The following SH3BP2 variants were observed in gnomAD, a reference collection of about 807,000 sequenced individuals.
SH3BP2 encodes SH3 domain binding protein 2, also known as SH3 domain-binding protein 2.
Under a neutral mutation model 56.2 loss-of-function variants are expected in SH3BP2, and 38 were observed. The observed-to-expected ratio is 0.68, with a 90% CI of 0.52 to 0.89. The LOEUF (loss-of-function observed/expected upper bound fraction) is 0.89. Among genes scored for constraint, SH3BP2 ranks in the 40% least tolerant of loss-of-function variants. The probability of loss-of-function intolerance (pLI) is 0.00; values close to 1 mark genes in which losing one functional copy is unlikely to be tolerated. For synonymous variants in SH3BP2, 346 were observed against 316.7 expected (o/e 1.09, Z -0.98); for missense variants, 748 against 762.6 (o/e 0.98, Z 0.23).
chr4:2,793,911 C>T (rs1253741455), intron 1 of SH3BP2, among the ~76,000 whole-genome samples: 1 of 152,208 alleles, frequency 6.6e-6, no homozygotes, highest in Non-Finnish European at 1.5e-5. Context: ...TGCTCTGGGC[C>T]TCGGCTCCCT....
rs1263416 is a variant in SH3BP2, at chr4:2,836,036, G to C, written c.*2202G>C. 87,659 of 152,016 alleles carry C rather than the reference G, an allele frequency of 0.58. 25,452 individuals carry two copies. Among genetic ancestry groups the C allele is most frequent in the Middle Eastern group, 0.71 (210 of 294 alleles). The allele number at this position is 152,016 out of a possible 1,614,324, so 9.4% of individuals were successfully genotyped here. On this transcript the variant is annotated 3_prime_UTR_variant, in exon 13 of 13. Coordinates refer to ENST00000503393, the MANE Select transcript of SH3BP2 (RefSeq NM_001122681.2). ...GCAGTCCAGGACACCTTTGCTTTAT[G>C]TCACTTACACGGTCACCTGGAGCCG...
chr4:2,818,608 C>A (rs947162343), intron 1 of SH3BP2: 7 of 643,272 alleles, frequency 1.1e-5, no homozygotes, highest in Admixed American at 1.1e-4. Flanking sequence ...GGCAGCTCCC[C>A]GCGGGCGGAC....
chr4:2,813,725 A>G (rs60593371), intron 1 of SH3BP2, among the ~76,000 whole-genome samples: 19,092 of 152,182 alleles, frequency 0.13, 1,305 homozygotes, highest in African/African-American at 0.17. Context: ...GAATGTGTAT[A>G]TCAGTATACA....
intron 1 of SH3BP2, chr4:2,812,100 G>A: frequency 8.3e-7 from 1 of 1,201,010 alleles, no homozygotes; most frequent in East Asian, 3.3e-5. Flanking sequence ...CTGACCACAG[G>A]ATGGGAGGGC....
At position 2,812,337 on chromosome 4, in the gene SH3BP2, C is replaced by A. The variant is rs542045015; in HGVS notation, c.-4-8277C>A. ...TGGGCACAGCTGTGGGGCAGCCAGG[C>A]GCGTCAGGCCTCACATGTCTGGGAG... On this transcript the variant is annotated intron_variant, in intron 1 of 12. Coordinates refer to ENST00000503393, the MANE Select transcript of SH3BP2 (RefSeq NM_001122681.2). 3.9e-6 allele frequency: 6 copies of A among 1,549,744 alleles called. No individual in the cohort carries two copies. In the East Asian group the frequency reaches 1.2e-4, roughly 32 times the overall value.
Position 2,829,563 on chromosome 4 carries a change from C to T in SH3BP2, c.657C>T (p.Asp219=). The change falls in exon 8 of 13, where the codon GAC becomes GAT. Residue 219 remains aspartate, a synonymous_variant. Coordinates refer to ENST00000503393, the MANE Select transcript of SH3BP2 (RefSeq NM_001122681.2). This position sits in a 1 kb window ranked among gnomAD's most constrained non-coding sequence, Gnocchi z 4.9. ...CGCCCAGGAAGCCAGCCTTCTCTGA[C>T]ATGCCCCGGGCCCACTCCTTTACCT... ...VPTPRKPAFS[D]MPRAHSFTSK... is the part of the protein sequence containing the mutation. 6.2e-7 allele frequency: 1 copy of T among 1,613,458 alleles called. No individual in the cohort carries two copies. Among genetic ancestry groups the T allele is most frequent in the Non-Finnish European group, 8.5e-7 (1 of 1,179,906 alleles).
chr4:2,812,895 A>T (rs547262638), intron 1 of SH3BP2, among the ~76,000 whole-genome samples: 1 of 152,156 alleles, frequency 6.6e-6, no homozygotes, highest in Admixed American at 6.5e-5. Context: ...TGGGGGGGTA[A>T]CGGAGAGAGC....
intron 1 of SH3BP2, among the ~76,000 whole-genome samples, chr4:2,800,080 C>T (rs983539114): frequency 7.2e-5 from 11 of 151,954 alleles, no homozygotes; most frequent in Admixed American, 3.9e-4. Context: ...GAAGTGGGTT[C>T]GTCGAGGCTG....
intron 5 of SH3BP2, chr4:2,826,521 TGC>T: frequency 3.7e-6 from 1 of 272,996 alleles, no homozygotes; most frequent in African/African-American, 2.4e-5. Flanking sequence ...TGTGTGTGTG[TGC>T]ATGTCCGCGT....
At chr4:2,823,301 C>G (rs1724410205) in intron 3 of SH3BP2, 1 of 562,388 alleles carries the variant, frequency 1.8e-6, no homozygotes, top group Admixed American at 2.2e-5. Context: ...GGACAGCCTG[C>G]TCTCCAGAGT....
rs189770422 is a variant in SH3BP2, at chr4:2,811,290, C to T, written c.-4-9324C>T. Among the ~76,000 whole-genome samples, 211 of 152,288 alleles carry T rather than the reference C, an allele frequency of 1.4e-3. 1 individual carries two copies. Among genetic ancestry groups the T allele is most frequent in the Middle Eastern group, 0.014 (4 of 294 alleles). ...CCAGGGTTTGTTGGGAGGCTGATTT[C>T]GGGGGGCCGTGCCCTAGGAAGCCTG... On this transcript the variant is annotated intron_variant, in intron 1 of 12. Coordinates refer to ENST00000503393, the MANE Select transcript of SH3BP2 (RefSeq NM_001122681.2).
Position 2,829,406 on chromosome 4 carries a change from C to T in SH3BP2, c.587-87C>T. 1.4e-6 allele frequency: 2 copies of T among 1,444,970 alleles called. No homozygotes were observed. Among genetic ancestry groups the T allele is most frequent in the Non-Finnish European group, 1.9e-6 (2 of 1,027,678 alleles). The allele number at this position is 1,444,970 out of a possible 1,614,324, so 89.5% of individuals were successfully genotyped here. The stretch of plus-strand genomic sequence containing the variant: ...GGTGGGCCTACCATGGGTTGCACTC[C>T]TGGTTGGCCTGGCTGACCACTGCCA... On this transcript the variant is annotated intron_variant, in intron 7 of 12. Coordinates refer to ENST00000503393, the MANE Select transcript of SH3BP2 (RefSeq NM_001122681.2). This position sits in a 1 kb window ranked among gnomAD's most constrained non-coding sequence, Gnocchi z 4.9.
chr4:2,795,993 C>T (rs1471391422), intron 1 of SH3BP2, among the ~76,000 whole-genome samples: 1 of 152,122 alleles, frequency 6.6e-6, no homozygotes, highest in African/African-American at 2.4e-5. Context: ...ACTGGCTGGC[C>T]CCCTTCCCTG....
At chr4:2,833,630 G>C in intron 12 of SH3BP2, 67 bp from the exon 13 acceptor site, 1 of 1,559,960 alleles carries the variant, frequency 6.4e-7, no homozygotes, top group African/African-American at 1.4e-5. Flanking sequence ...TACAGACGGG[G>C]AGACTGAGGC....
At chr4:2,793,283 AGGTCTCGGCG>A (rs1722957279) in intron 1 of SH3BP2, 145 bp downstream of exon 1, 1 of 70,808 alleles carries the variant, frequency 1.4e-5, no homozygotes, top group Admixed American at 1.9e-4. Flanking sequence ...GGGTCCCGAC[AGGTCTCGGCG>A]GGTCTCGGGG....
intron 1 of SH3BP2, among the ~76,000 whole-genome samples, chr4:2,813,616 G>A (rs1329684759): frequency 6.6e-6 from 1 of 152,228 alleles, no homozygotes; most frequent in Admixed American, 6.5e-5. Flanking sequence ...CAGGCTTCAG[G>A]ACACGGAGAC....
intron 1 of SH3BP2, among the ~76,000 whole-genome samples, chr4:2,814,485 C>G (rs1207343785): frequency 1.3e-5 from 2 of 150,698 alleles, no homozygotes; most frequent in Non-Finnish European, 2.9e-5. Context: ...CCCGTCTTCC[C>G]TAATGTGCAT....
chr4:2,833,037 C>T lies in SH3BP2; in HGVS notation c.1536C>T (p.Arg512=). ...CCTCTAACAAAGTGAGGAACTATCG[C>T]ATTTTTGAGAAGGTGAGAGGGCTCT... ...DETSNKVRNY[R]IFEKDSKFYL... The change falls in exon 12 of 13, where the codon CGC becomes CGT. Residue 512 remains arginine, a synonymous_variant. Coordinates refer to ENST00000503393, the MANE Select transcript of SH3BP2 (RefSeq NM_001122681.2). 1 of 1,614,178 alleles carries T rather than the reference C, an allele frequency of 6.2e-7. No individual in the cohort carries two copies. The highest frequency in any genetic ancestry group is 8.5e-7 in the Non-Finnish European group (1 of 1,180,004).
intron 11 of SH3BP2, 71 bp downstream of exon 11, chr4:2,832,483 G>T: frequency 8.5e-7 from 1 of 1,178,408 alleles, no homozygotes. Context: ...GTGGGCCCAG[G>T]ACTCCACAGT....
Sources: allele counts gnomAD v4.1 joint callset (sites outside exome capture counted in the v4.1 genomes callset), GRCh38; gene constraint gnomAD v4.1.1; non-coding constraint Gnocchi (gnomAD v3.1); transcripts MANE v1.5; gene names NCBI Gene and HGNC (gene_info 2026-07-23, HGNC 2026-07-21).